The following CENPP variants were observed in gnomAD, a reference collection of about 807,000 sequenced individuals.
The protein encoded by CENPP is centromere protein P.
A neutral mutation model predicts 35.6 loss-of-function variants in CENPP; 24 were observed. That is an observed-to-expected ratio of 0.67 (90% CI 0.49 to 0.95). The LOEUF is 0.95. Ranked by LOEUF, CENPP falls within the 40% of genes least tolerant of loss-of-function variation. CENPP has a pLI of 0.00. For missense variants in CENPP, 332 were observed against 345.3 expected (o/e 0.96, Z 0.31); for synonymous variants, 120 against 125.5 (o/e 0.96, Z 0.29).
intron 5 of CENPP, among the ~76,000 whole-genome samples, chr9:92,508,882 A>C (rs1291347144): frequency 6.6e-6 from 1 of 152,108 alleles, no homozygotes; most frequent in Non-Finnish European, 1.5e-5. Context: ...ATATGTTTCA[A>C]AGCAAGGAAA....
intron 4 of CENPP, among the ~76,000 whole-genome samples, chr9:92,348,776 AT>A (rs2130809286): frequency 6.6e-6 from 1 of 152,286 alleles, no homozygotes; most frequent in South Asian, 2.1e-4. Context: ...TTTTGCCTTC[AT>A]TTTTTGAAAG....
intron 5 of CENPP, chr9:92,457,118 T>C: frequency 7.1e-7 from 1 of 1,408,594 alleles, no homozygotes; most frequent in Admixed American, 3.1e-5. Flanking sequence ...ATCAATAGTT[T>C]GGCAAAATTC....
At chr9:92,495,652 T>G (rs1221376368) in intron 5 of CENPP, 1 of 912,704 alleles carries the variant, frequency 1.1e-6, no homozygotes, top group East Asian at 1.2e-4. Flanking sequence ...AAAAAGAGTA[T>G]AGAATTTATG....
At chr9:92,491,624 A>C (rs1482950546) in intron 5 of CENPP, among the ~76,000 whole-genome samples, 3 of 152,108 alleles carry the variant, frequency 2.0e-5, no homozygotes, top group African/African-American at 7.2e-5. Context: ...ATTCTCTCAC[A>C]GATGGCCCCT....
Position 92,596,045 on chromosome 9 carries a change from C to T in CENPP, c.565-15269C>T, listed in dbSNP as rs182633856. On this transcript the variant is annotated intron_variant, in intron 5 of 7. Transcript: ENST00000375587. ...TAAACACATTGTTAAACATGAAAGTCCTCAAAAAATGGCAGATTGAAACAT... is the reference window on the plus strand; with the variant it reads ...TAAACACATTGTTAAACATGAAAGTTCTCAAAAAATGGCAGATTGAAACAT... Among the ~76,000 whole-genome samples, 10 of 152,214 alleles carry T rather than the reference C, an allele frequency of 6.6e-5. No homozygotes were observed. The East Asian group carries it at 1.7e-3, about 26-fold the overall frequency.
At chr9:92,372,088 A>ATGCCAGCC (rs955302890) in intron 4 of CENPP, among the ~76,000 whole-genome samples, 2 of 118,454 alleles carry the variant, frequency 1.7e-5, no homozygotes, top group Non-Finnish European at 3.5e-5. Context: ...GTAAGCCACC[A>ATGCCAGCC]TGCCAGCCAT....
rs1389704049 is a variant in CENPP, at chr9:92,379,933, C to T, written c.564+74C>T. The T allele has an allele frequency of 5.4e-6, 5 of 932,664 alleles. No homozygotes were observed. The East Asian group carries it at 9.7e-5, about 18-fold the overall frequency. 57.8% of individuals were successfully genotyped at this position (932,664 alleles called of 1,614,324 possible). A position where few individuals can be genotyped will look rare whatever the true frequency, so the allele number is the denominator to read the frequency against. On this transcript the variant is annotated intron_variant, in intron 5 of 7. Transcript: ENST00000375587. ...ATATTAATTGAGAATTCATCCCTAA[C>T]ATCCTTTTCTTAAAAGCTTTCAAAC...
intron 4 of CENPP, among the ~76,000 whole-genome samples, chr9:92,348,944 G>A (rs1210688493): frequency 2.0e-5 from 3 of 152,198 alleles, no homozygotes; most frequent in African/African-American, 7.2e-5. Flanking sequence ...TGTCATGTGT[G>A]TGTGCTTGGG....
At chr9:92,495,902 G>GC (rs1321898531) in intron 5 of CENPP, 1 of 984,248 alleles carries the variant, frequency 1.0e-6, no homozygotes, top group African/African-American at 1.7e-5. Context: ...AATTCTGCCT[G>GC]CTTTTTTTGT....
intron 5 of CENPP, among the ~76,000 whole-genome samples, chr9:92,439,527 A>G (rs1464086200): frequency 6.6e-6 from 1 of 152,246 alleles, no homozygotes; most frequent in Non-Finnish European, 1.5e-5. Flanking sequence ...GCTTTTCATG[A>G]GTTGGTGGTC....
rs201178577 is a variant in CENPP at position 92,393,188 on chromosome 9, C to T, written c.564+13329C>T. ...AAGGGTGGTACAGCATCAATGTCAACTTCTTCACAGTATACAGAGCCACTT... is the reference window on the plus strand; with the variant it reads ...AAGGGTGGTACAGCATCAATGTCAATTTCTTCACAGTATACAGAGCCACTT... On this transcript the variant is annotated intron_variant, in intron 5 of 7. Coordinates refer to ENST00000375587, the MANE Select transcript of CENPP (RefSeq NM_001012267.3). 2.4e-5 allele frequency: 38 copies of T among 1,613,704 alleles called. 1 individual carries two copies. The Middle Eastern group carries it at 6.6e-4, about 28-fold the overall frequency.
At chr9:92,405,391 T>C (rs1037492838) in intron 5 of CENPP, among the ~76,000 whole-genome samples, 1 of 152,130 alleles carries the variant, frequency 6.6e-6, no homozygotes, top group African/African-American at 2.4e-5. Flanking sequence ...GATATATATT[T>C]TATTAAAATA....
intron 5 of CENPP, among the ~76,000 whole-genome samples, chr9:92,522,333 A>C (rs1173063150): frequency 6.6e-6 from 1 of 151,952 alleles, no homozygotes; most frequent in Non-Finnish European, 1.5e-5. Flanking sequence ...TGATCTGCCC[A>C]CCTCTGCCTC....
At chr9:92,522,805 T>C in intron 5 of CENPP, 1 of 1,613,128 alleles carries the variant, frequency 6.2e-7, no homozygotes, top group Non-Finnish European at 8.5e-7. Flanking sequence ...TTCTTCATTT[T>C]TTCCAAAGTC....
At chr9:92,367,140 G>A (rs1345998269) in intron 4 of CENPP, among the ~76,000 whole-genome samples, 1 of 152,070 alleles carries the variant, frequency 6.6e-6, no homozygotes, top group Non-Finnish European at 1.5e-5. Context: ...GCAGATAACT[G>A]TGGAGGAAAC....
intron 5 of CENPP, among the ~76,000 whole-genome samples, chr9:92,591,401 T>A (rs1181942496): frequency 2.0e-5 from 3 of 150,454 alleles, no homozygotes; most frequent in Non-Finnish European, 3.0e-5. Flanking sequence ...CCTGGGCGAC[T>A]GAGCAAGACT....
chr9:92,428,636 T>G (rs1235130826), intron 5 of CENPP, among the ~76,000 whole-genome samples: 1 of 152,222 alleles, frequency 6.6e-6, no homozygotes, highest in Admixed American at 6.5e-5. Context: ...TTCATACATC[T>G]CCAAGCAATT....
intron 5 of CENPP, among the ~76,000 whole-genome samples, chr9:92,420,158 T>A (rs1462071606): frequency 3.3e-5 from 5 of 152,146 alleles, no homozygotes; most frequent in African/African-American, 1.2e-4. Context: ...CTTCATACTC[T>A]TCATTTTGAG....
At chr9:92,421,802 T>G (rs1332020184) in intron 5 of CENPP, among the ~76,000 whole-genome samples, 2 of 152,094 alleles carry the variant, frequency 1.3e-5, no homozygotes, top group Non-Finnish European at 2.9e-5. Flanking sequence ...AGGAGAGAGA[T>G]ACAACAAAGT....
Sources: gnomAD v4.1 joint callset for allele counts (sites outside exome capture counted in the v4.1 genomes callset) on GRCh38, gnomAD v4.1.1 for gene constraint, MANE v1.5 for transcripts, NCBI Gene and HGNC (gene_info 2026-07-23, HGNC 2026-07-21) for gene names.